Variants in TUT4 observed in about 807,000 individuals in gnomAD.
TUT4 encodes the protein terminal uridylyl transferase 4, also known as terminal uridylyltransferase 4.
TUT4 carries 36 observed loss-of-function variants against 192.2 expected under a neutral mutation model. That is an observed-to-expected ratio of 0.19 (90% confidence interval 0.14 to 0.25). The LOEUF (loss-of-function observed/expected upper bound fraction) is 0.25, where lower values mean the gene tolerates loss of function less well. Among genes scored for constraint, TUT4 ranks in the 10% least tolerant of loss-of-function variants. The probability of loss-of-function intolerance (pLI) is 1.00; values close to 1 mark genes in which losing one functional copy is unlikely to be tolerated. For synonymous variants in TUT4, 618 were observed against 666.0 expected (o/e 0.93, Z 1.11); for missense variants, 1,493 against 1,957.2 (o/e 0.76, Z 4.47).
intron 3 of TUT4, 56 bp from the exon 4 acceptor site, chr1:52,509,768 T>C (rs1483721673): frequency 5.0e-6 from 5 of 994,106 alleles, no homozygotes; most frequent in Non-Finnish European, 8.1e-6. Context: ...GAGTAAACTA[T>C]TGACTATATA....
Position 52,481,787 on chromosome 1 carries a change from C to A in TUT4, c.1635+17G>T. On this transcript the variant is annotated intron_variant, in intron 10 of 29. Transcript: ENST00000257177. ...TATATATATATATGCATATATATGT[C>A]ACAAATTCATGCTTACCCAACTTCC... The A allele has an allele frequency of 6.4e-7, 1 of 1,569,920 alleles. No individual in the cohort carries two copies. Among genetic ancestry groups the A allele is most frequent in the South Asian group, 1.2e-5 (1 of 81,822 alleles).
In TUT4 at chr1:52,475,182, G is replaced by A; in HGVS notation, c.2377C>T (p.His793Tyr). ...GAAAGAGATGAAGAGTCCTGTCCGTGGTCAGCAAAATCTAGTTCATTTACC... is the reference window on the plus strand; with the variant it reads ...GAAAGAGATGAAGAGTCCTGTCCGTAGTCAGCAAAATCTAGTTCATTTACC... ...LLVNELDFADHGQDSSSLSTS... is the reference protein window; with the variant it reads ...LLVNELDFADYGQDSSSLSTS... The change falls in exon 13 of 30, where the codon CAC becomes TAC. Residue 793 changes from histidine to tyrosine, a missense_variant. This residue lies in a region of TUT4 where 245 missense variants were observed against 218.4 expected (regional missense o/e 1.12). Transcript: ENST00000257177. 1 of 1,614,062 alleles carries A rather than the reference G, an allele frequency of 6.2e-7. No homozygotes were observed.
At chr1:52,427,077 A>G (rs1223578147) in intron 28 of TUT4, among the ~76,000 whole-genome samples, 1 of 152,200 alleles carries the variant, frequency 6.6e-6, no homozygotes, top group Non-Finnish European at 1.5e-5. Context: ...GCTACTAAAG[A>G]GAAAACTAAA....
At position 52,465,189 on chromosome 1, in the gene TUT4, C is replaced by A; in HGVS notation, c.2966-16G>T. On this transcript the variant is annotated splice_polypyrimidine_tract_variant and intron_variant, in intron 15 of 29. Transcript: ENST00000257177. ...CTTGCCTTTTCTAAGCAAAGGAAAA[C>A]AAAGTCCAAGGCCTTATTATAAGCA... The A allele has an allele frequency of 6.2e-7, 1 of 1,605,158 alleles. No homozygotes were observed.
intron 20 of TUT4, among the ~76,000 whole-genome samples, chr1:52,448,141 A>G (rs1288239427): frequency 1.3e-5 from 2 of 152,252 alleles, no homozygotes; most frequent in Non-Finnish European, 2.9e-5. Context: ...TGTTTGTTGA[A>G]TGACTATATT....
At position 52,488,965 on chromosome 1, in the gene TUT4, C is replaced by G. The variant is rs1189279299; in HGVS notation, c.1459G>C (p.Gly487Arg). The G allele has an allele frequency of 6.2e-7, 1 of 1,613,818 alleles. No individual in the cohort carries two copies. The highest frequency in any genetic ancestry group is 8.5e-7 in the Non-Finnish European group (1 of 1,179,874). ...CLTTDLLTAL[G>R]KIEPVFIPLV... ...GGAATAAAGACAGGTTCTATTTTGC[C>G]AAGGGCAGTAAGTAAATCAGTAGTG... is the stretch of plus-strand genomic sequence containing the variant. The change falls in exon 9 of 30, where the codon GGC becomes CGC. Residue 487 changes from glycine (G) to arginine (R), a missense_variant. Physicochemically the swap from Gly to Arg is moderately radical, Grantham distance 125. Coordinates refer to ENST00000257177, the MANE Select transcript of TUT4 (RefSeq NM_001009881.3).
chr1:52,500,711 G>C (rs1195910554), intron 4 of TUT4, among the ~76,000 whole-genome samples: 1 of 152,146 alleles, frequency 6.6e-6, no homozygotes, highest in Non-Finnish European at 1.5e-5. Context: ...GCAATGAGCC[G>C]AGATTGTGCC....
In TUT4 at chr1:52,463,784, T is replaced by C. The variant is rs1408995615; in HGVS notation, c.3069+1286A>G. On this transcript the variant is annotated intron_variant, in intron 16 of 29. Transcript: ENST00000257177. ...TCCTTCCCACTATTAAGGCCTGGTA[T>C]ACAAAAAAGGAAAGCGTAAGTACCC... 7.7e-6 allele frequency: 10 copies of C among 1,304,000 alleles called. No individual in the cohort carries two copies. In the East Asian group the frequency reaches 4.4e-4, roughly 58 times the overall value. 80.8% of individuals were successfully genotyped at this position (1,304,000 alleles called of 1,614,324 possible).
chr1:52,477,747 C>T lies in TUT4; in HGVS notation c.1984G>A (p.Glu662Lys). Residue 662 changes from glutamate to lysine, a missense_variant, in exon 12 of 30, where the codon GAA (glutamate) becomes AAA (lysine). Physicochemically the swap from Glu to Lys is moderately conservative, Grantham distance 56. Around this residue, in one of 7 missense-constraint regions of TUT4, gnomAD observed 437 missense variants for 577.6 expected, o/e 0.76. Transcript: ENST00000257177. Reference protein sequence around the residue: ...CVRIQDILTRENKNWPKRRIA... With the variant: ...CVRIQDILTRKNKNWPKRRIA... ...CGCCTTTTAGGCCAGTTTTTATTTT[C>T]TCTTGTTAAAATATCTTGTATCCGT... The T allele has an allele frequency of 6.2e-7, 1 of 1,610,080 alleles. No homozygotes were observed. Among genetic ancestry groups the T allele is most frequent in the Non-Finnish European group, 8.5e-7 (1 of 1,179,034 alleles).
At chr1:52,438,930 C>T (rs918003693) in intron 24 of TUT4, among the ~76,000 whole-genome samples, 2 of 152,078 alleles carry the variant, frequency 1.3e-5, no homozygotes, top group Admixed American at 6.6e-5. Context: ...ATTAGCTGAG[C>T]ATGGTGGCGT....
chr1:52,494,731 T>C (rs1367235915), intron 6 of TUT4, among the ~76,000 whole-genome samples: 1 of 152,116 alleles, frequency 6.6e-6, no homozygotes, highest in Non-Finnish European at 1.5e-5. Context: ...CATACATTAA[T>C]TATAAAGTAA....
At chr1:52,551,697 CAT>C (rs1284530144) in intron 1 of TUT4, among the ~76,000 whole-genome samples, 3 of 152,158 alleles carry the variant, frequency 2.0e-5, no homozygotes, top group Non-Finnish European at 4.4e-5. Flanking sequence ...CACACACACA[CAT>C]ACACACACAC....
At chr1:52,429,020 G>A (rs1309653696) in intron 28 of TUT4, among the ~76,000 whole-genome samples, 1 of 151,976 alleles carries the variant, frequency 6.6e-6, no homozygotes, top group East Asian at 1.9e-4. Context: ...TTGGTTAATG[G>A]GGAGGGGGGT....
intron 6 of TUT4, among the ~76,000 whole-genome samples, chr1:52,495,173 C>T (rs1672148165): frequency 6.6e-6 from 1 of 152,122 alleles, no homozygotes; most frequent in Non-Finnish European, 1.5e-5. Flanking sequence ...ATTAACTATT[C>T]AACATGTTCA....
Position 52,462,941 on chromosome 1 carries a change from T to C in TUT4, c.3070-1172A>G, listed in dbSNP as rs922776922. The C allele has an allele frequency of 3.3e-4, 322 of 985,296 alleles. 1 individual carries two copies. Among genetic ancestry groups the C allele is most frequent in the Non-Finnish European group, 3.7e-4 (309 of 829,916 alleles). 61.0% of individuals were successfully genotyped at this position (985,296 alleles called of 1,614,324 possible). The stretch of plus-strand genomic sequence containing the variant: ...ATTTGCATTTTTCCAACATGTTCTT[T>C]TTAGCTACATGAGAGCAGGAGCCAT... On this transcript the variant is annotated intron_variant, in intron 16 of 29. Transcript: ENST00000257177.
At chr1:52,454,185 A>T (rs146680939) in intron 20 of TUT4, among the ~76,000 whole-genome samples, 1 of 152,332 alleles carries the variant, frequency 6.6e-6, no homozygotes, top group African/African-American at 2.4e-5. Flanking sequence ...AATCCCAATC[A>T]AAATTCTAGC....
In TUT4 at chr1:52,436,782, C is replaced by G; in HGVS notation, c.4135G>C (p.Ala1379Pro). The G allele has an allele frequency of 6.2e-7, 1 of 1,613,646 alleles. No homozygotes were observed. The highest frequency in any genetic ancestry group is 8.5e-7 in the Non-Finnish European group (1 of 1,180,024). ...VRRECPEVKL[A>P]RQRNSSVAAA... ...GCCACACTGCTATTCCTCTGACGGG[C>G]CAGCTTGACCTCTGGGCACTCCCTT... Residue 1379 changes from alanine to proline, a missense_variant, in exon 26 of 30, where the codon GCC (alanine) becomes CCC (proline). Ala to Pro is a conservative substitution (Grantham distance 27). Coordinates refer to ENST00000257177, the MANE Select transcript of TUT4 (RefSeq NM_001009881.3).
At chr1:52,482,569 GGCA>G (rs1668756509) in intron 9 of TUT4, among the ~76,000 whole-genome samples, 2 of 152,142 alleles carry the variant, frequency 1.3e-5, no homozygotes, top group Admixed American at 6.6e-5. Context: ...TGGGACTACA[GGCA>G]TGCACCACCA....
chr1:52,436,850 C>A lies in TUT4; in HGVS notation c.4067G>T (p.Arg1356Ile). ...TCCACATATAAAACATCTGAGGTCTCTCGGGTCTCTAAAGTCTCGAGTATC... is the reference window on the plus strand; with the variant it reads ...TCCACATATAAAACATCTGAGGTCTATCGGGTCTCTAAAGTCTCGAGTATC... ...LHDTRDFRDPRDLRCFICGDA... is the reference protein window; with the variant it reads ...LHDTRDFRDPIDLRCFICGDA... The change falls in exon 26 of 30, where the codon AGA (arginine) becomes ATA (isoleucine). Residue 1356 changes from arginine (R) to isoleucine (I), a missense_variant. Physicochemically the swap from Arg to Ile is moderately conservative, Grantham distance 97. Transcript: ENST00000257177. The A allele has an allele frequency of 6.2e-7, 1 of 1,613,890 alleles. No homozygotes were observed. The highest frequency in any genetic ancestry group is 8.5e-7 in the Non-Finnish European group (1 of 1,179,988).
Sources: allele counts gnomAD v4.1 joint callset (sites outside exome capture counted in the v4.1 genomes callset), GRCh38; gene constraint gnomAD v4.1.1; regional missense constraint gnomAD v4.1.1; transcripts MANE v1.5; gene names NCBI Gene and HGNC (gene_info 2026-07-23, HGNC 2026-07-21).